The following CDH13 variants were observed in gnomAD, a reference collection of about 807,000 sequenced individuals.
The protein encoded by CDH13 is cadherin-13.
CDH13 carries 24 observed loss-of-function variants against 63.8 expected under a neutral mutation model. That is an observed-to-expected ratio of 0.38 (90% CI 0.27 to 0.53). The LOEUF (loss-of-function observed/expected upper bound fraction) is 0.53. Ranked by LOEUF, CDH13 falls within the 20% of genes least tolerant of loss-of-function variation. CDH13 has a pLI of 0.85. For missense variants in CDH13, 1,049 were observed against 903.1 expected, an observed-to-expected ratio of 1.16 and a Z score of -2.07; for synonymous variants, 503 against 355.3, an observed-to-expected ratio of 1.42 and a Z score of -4.67.
At chr16:83,024,130 G>T (rs1200682833) in intron 2 of CDH13, among the ~76,000 whole-genome samples, 2 of 152,138 alleles carry the variant, frequency 1.3e-5, no homozygotes, top group Non-Finnish European at 2.9e-5. Context: ...CTAACTGAGG[G>T]TTGGATGGCA....
At chr16:83,518,222 G>A (rs1248563052) in intron 7 of CDH13, among the ~76,000 whole-genome samples, 1 of 151,990 alleles carries the variant, frequency 6.6e-6, no homozygotes, top group Admixed American at 6.6e-5. Context: ...TTGGCTCACT[G>A]CAGCTCTGCC....
At chr16:82,728,677 T>C (rs1010477573) in intron 1 of CDH13, among the ~76,000 whole-genome samples, 1 of 152,174 alleles carries the variant, frequency 6.6e-6, no homozygotes, top group Non-Finnish European at 1.5e-5. Context: ...GGGTGGGGGT[T>C]GCTGAAGGCT....
intron 2 of CDH13, among the ~76,000 whole-genome samples, chr16:82,964,091 C>G (rs559095425): frequency 3.4e-4 from 51 of 152,158 alleles, no homozygotes; most frequent in African/African-American, 1.1e-3. Flanking sequence ...GACCCTCAGA[C>G]GCTGGAACAG....
chr16:83,569,677 C>T (rs191340555), intron 7 of CDH13, among the ~76,000 whole-genome samples: 7 of 152,220 alleles, frequency 4.6e-5, no homozygotes, highest in Middle Eastern at 3.4e-3. Flanking sequence ...GACTCAGAGA[C>T]GTCCAGGCAT....
intron 5 of CDH13, among the ~76,000 whole-genome samples, chr16:83,278,684 G>A (rs2089068516): frequency 6.6e-6 from 1 of 152,138 alleles, no homozygotes; most frequent in Non-Finnish European, 1.5e-5. Context: ...ATTATTCCAG[G>A]GTAGTCTTTC....
chr16:83,005,699 C>T (rs950119775), intron 2 of CDH13, among the ~76,000 whole-genome samples: 1 of 152,210 alleles, frequency 6.6e-6, no homozygotes, highest in Admixed American at 6.5e-5. Context: ...ACCAGAAGTA[C>T]CCTAATTGGT....
chr16:83,278,536 G>A (rs1282340543), intron 5 of CDH13, among the ~76,000 whole-genome samples: 1 of 152,170 alleles, frequency 6.6e-6, no homozygotes, highest in East Asian at 1.9e-4. Flanking sequence ...TATCAACCCG[G>A]CATCACTAAA....
intron 6 of CDH13, among the ~76,000 whole-genome samples, chr16:83,374,359 G>C (rs1275496058): frequency 6.6e-6 from 1 of 152,144 alleles, no homozygotes; most frequent in Non-Finnish European, 1.5e-5. Flanking sequence ...TGGTTTCTAA[G>C]GTCTTAGGTT....
chr16:83,193,369 C>T (rs1337134305), intron 4 of CDH13, among the ~76,000 whole-genome samples: 1 of 152,140 alleles, frequency 6.6e-6, no homozygotes, highest in African/African-American at 2.4e-5. Flanking sequence ...AGTGGCTGAG[C>T]AAGAACTTGA....
chr16:82,676,587 A>T (rs777627917), intron 1 of CDH13, among the ~76,000 whole-genome samples: 4 of 149,744 alleles, frequency 2.7e-5, no homozygotes, highest in Non-Finnish European at 5.9e-5. Flanking sequence ...CTTCTCCCCA[A>T]CCAGAATGAT....
At chr16:83,622,025 T>C (rs1321678884) in intron 8 of CDH13, among the ~76,000 whole-genome samples, 1 of 152,190 alleles carries the variant, frequency 6.6e-6, no homozygotes, top group Non-Finnish European at 1.5e-5. Flanking sequence ...ATACTAATCA[T>C]TTCTTATGAG....
intron 6 of CDH13, among the ~76,000 whole-genome samples, chr16:83,402,661 T>A (rs2091985541): frequency 6.6e-6 from 1 of 152,216 alleles, no homozygotes; most frequent in African/African-American, 2.4e-5. Context: ...GCCTTGTAAG[T>A]TGGTGCTGTT....
intron 2 of CDH13, among the ~76,000 whole-genome samples, chr16:82,928,078 A>G (rs2042360782): frequency 6.6e-6 from 1 of 152,044 alleles, no homozygotes; most frequent in African/African-American, 2.4e-5. Context: ...AGAGTAGCAG[A>G]TTGTTTTATT....
At chr16:83,460,054 C>T (rs2073134798) in intron 6 of CDH13, among the ~76,000 whole-genome samples, 1 of 152,042 alleles carries the variant, frequency 6.6e-6, no homozygotes, top group African/African-American at 2.4e-5. Context: ...AACTTCTAAA[C>T]TCAATAAGAT....
At chr16:82,981,095 C>T (rs1391802732) in intron 2 of CDH13, among the ~76,000 whole-genome samples, 2 of 152,212 alleles carry the variant, frequency 1.3e-5, no homozygotes, top group East Asian at 1.9e-4. Flanking sequence ...AGGTGGTTTC[C>T]AAAAGGACTC....
chr16:83,372,959 C>A (rs2091399526), intron 6 of CDH13, among the ~76,000 whole-genome samples: 1 of 151,954 alleles, frequency 6.6e-6, no homozygotes, highest in Admixed American at 6.6e-5. Context: ...CAAGTGAAAT[C>A]TTTATAGGAG....
intron 3 of CDH13, among the ~76,000 whole-genome samples, chr16:83,118,450 A>G (rs1355879718): frequency 6.6e-6 from 1 of 152,208 alleles, no homozygotes; most frequent in Non-Finnish European, 1.5e-5. Flanking sequence ...GTCACAGAGA[A>G]CATTTGACAT....
rs78576251 is a variant in CDH13, at chr16:82,695,001, G to A, written c.45+67864G>A. The stretch of plus-strand genomic sequence containing the variant: ...AAACACATAATGGTGCATGTGTGTG[G>A]GGAGGGTGGAGACAGGAGGCAGTGG... On this transcript the variant is annotated intron_variant, in intron 1 of 13. Coordinates refer to ENST00000567109, the MANE Select transcript of CDH13 (RefSeq NM_001257.5). Among the ~76,000 whole-genome samples, 959 of 152,244 alleles carry A rather than the reference G, an allele frequency of 6.3e-3. 29 individuals are homozygous for A. Among genetic ancestry groups the A allele is most frequent in the East Asian group, 3.7e-3 (19 of 5,176 alleles).
chr16:83,783,536 G>A (rs1379907667), intron 13 of CDH13, 64 bp downstream of exon 13: 2 of 1,278,796 alleles, frequency 1.6e-6, no homozygotes, highest in Non-Finnish European at 2.3e-6. Flanking sequence ...GGTTCGTGAA[G>A]CCAGCATTTT....
Sources: allele counts gnomAD v4.1 joint callset (sites outside exome capture counted in the v4.1 genomes callset), GRCh38; gene constraint gnomAD v4.1.1; transcripts MANE v1.5; gene names NCBI Gene and HGNC (gene_info 2026-07-23, HGNC 2026-07-21).